The following OR2L13 variants were observed in gnomAD, a reference collection of about 807,000 sequenced individuals.
OR2L13 encodes the protein olfactory receptor 2L13.
Under a neutral mutation model 15.3 loss-of-function variants are expected in OR2L13, and 14 were observed. The observed-to-expected ratio is 0.91, with a 90% CI of 0.60 to 1.43. OR2L13 has a LOEUF of 1.43. Among genes scored for constraint, OR2L13 ranks in the 40% most tolerant of loss-of-function variants. The pLI is 0.00. For synonymous variants in OR2L13, 152 were observed against 142.9 expected (o/e 1.06, Z -0.45); for missense variants, 367 against 387.9 (o/e 0.95, Z 0.45).
the OR2L13 span, among the ~76,000 whole-genome samples, chr1:248,033,039 T>C: frequency 6.6e-6 from 1 of 152,208 alleles, no homozygotes; most frequent in East Asian, 1.9e-4. Context: ...TGACTTACAA[T>C]ATTTTAACAT....
At chr1:247,967,425 C>T in the OR2L13 span, among the ~76,000 whole-genome samples, 1 of 152,108 alleles carries the variant, frequency 6.6e-6, no homozygotes, top group African/African-American at 2.4e-5. Context: ...GACTGGTTTT[C>T]ACCATGTTGC....
the OR2L13 span, among the ~76,000 whole-genome samples, chr1:248,049,748 A>G: frequency 1.4e-4 from 22 of 152,084 alleles, no homozygotes; most frequent in African/African-American, 5.3e-4. Flanking sequence ...ATTTTTTTCT[A>G]TTATTTTTGT....
intron 2 of OR2L13, 142 bp from the exon 3 acceptor site, chr1:248,099,216 T>C (rs1664794614): frequency 4.9e-6 from 3 of 606,772 alleles, no homozygotes; most frequent in Admixed American, 6.0e-5. Context: ...GATATAGAAA[T>C]TGATTAAAAA....
intron 1 of OR2L13, among the ~76,000 whole-genome samples, chr1:248,098,023 C>G (rs887187310): frequency 4.6e-5 from 7 of 152,182 alleles, no homozygotes; most frequent in African/African-American, 1.7e-4. Context: ...ATAGTTCTTA[C>G]TGATAGAATG....
chr1:247,990,381 A>C, the OR2L13 span: 1 of 1,581,372 alleles, frequency 6.3e-7, no homozygotes, highest in South Asian at 1.1e-5. Flanking sequence ...AATGGCTCTA[A>C]TTGGAAACCT....
chr1:247,946,115 A>G, the OR2L13 span, among the ~76,000 whole-genome samples: 1 of 151,978 alleles, frequency 6.6e-6, no homozygotes, highest in Non-Finnish European at 1.5e-5. Context: ...TTTTGATACT[A>G]TTGTTAATAA....
At chr1:247,990,256 A>G in the OR2L13 span, 2 of 839,226 alleles carry the variant, frequency 2.4e-6, no homozygotes, top group South Asian at 1.4e-5. Context: ...GAAGGATCAT[A>G]TGAATGCTCC....
the OR2L13 span, among the ~76,000 whole-genome samples, chr1:248,025,165 T>C: frequency 6.8e-6 from 1 of 146,978 alleles, no homozygotes; most frequent in African/African-American, 2.7e-5. Context: ...ACAGGCAACC[T>C]ACAAAATGGG....
chr1:248,032,976 TAAAAACATAA>T, the OR2L13 span, among the ~76,000 whole-genome samples: 26,611 of 152,098 alleles, frequency 0.17, 2,541 homozygotes, highest in East Asian at 0.32. Context: ...TATGCATTTA[TAAAAACATAA>T]AACCCTATTG....
At chr1:248,018,035 A>G in the OR2L13 span, among the ~76,000 whole-genome samples, 233 of 152,086 alleles carry the variant, frequency 1.5e-3, 2 homozygotes, top group South Asian at 0.03. Flanking sequence ...GGCCCCTGTA[A>G]TCCCAGCTAC....
chr1:248,061,203 T>C, the OR2L13 span: 1 of 1,612,334 alleles, frequency 6.2e-7, no homozygotes, highest in African/African-American at 1.4e-5. Context: ...GGGCCATCAA[T>C]CATTTCTTCT....
the OR2L13 span, among the ~76,000 whole-genome samples, chr1:247,978,799 A>G: frequency 1.3e-5 from 2 of 151,256 alleles, no homozygotes; most frequent in African/African-American, 4.9e-5. Context: ...AGGAGCTCTA[A>G]GGGACTGCCA....
the OR2L13 span, among the ~76,000 whole-genome samples, chr1:247,974,367 T>C: frequency 1.3e-5 from 2 of 152,026 alleles, no homozygotes; most frequent in Non-Finnish European, 2.9e-5. Flanking sequence ...CAAACCACCA[T>C]GGTACATGTA....
At chr1:248,036,140 T>C in the OR2L13 span, among the ~76,000 whole-genome samples, 1 of 152,172 alleles carries the variant, frequency 6.6e-6, no homozygotes, top group Non-Finnish European at 1.5e-5. Context: ...TGTATGGTAT[T>C]GAGTTTATTA....
At chr1:248,061,119 G>T in the OR2L13 span, 2 of 1,613,838 alleles carry the variant, frequency 1.2e-6, no homozygotes, top group Non-Finnish European at 1.7e-6. Context: ...TGATAACAGG[G>T]TCTTGGATCA....
the OR2L13 span, among the ~76,000 whole-genome samples, chr1:248,063,850 C>T: frequency 1.3e-5 from 2 of 152,216 alleles, no homozygotes; most frequent in Admixed American, 6.5e-5. Flanking sequence ...CAAATTGCCC[C>T]ACGTGGGTGT....
At chr1:248,078,499 C>A in the OR2L13 span, among the ~76,000 whole-genome samples, 3 of 151,694 alleles carry the variant, frequency 2.0e-5, no homozygotes, top group African/African-American at 7.3e-5. Context: ...CACACACACA[C>A]AAACTAAGTA....
At chr1:247,990,628 C>G in the OR2L13 span, 4 of 1,538,934 alleles carry the variant, frequency 2.6e-6, no homozygotes, top group Non-Finnish European at 3.6e-6. Context: ...GGCCTATGAT[C>G]GTTATGTGGC....
the OR2L13 span, chr1:248,022,265 T>A: frequency 7.4e-6 from 12 of 1,614,104 alleles, no homozygotes; most frequent in Admixed American, 3.3e-5. Flanking sequence ...TCATGACTTT[T>A]GCAGGTGCAG....
Sources: allele counts gnomAD v4.1 joint callset (sites outside exome capture counted in the v4.1 genomes callset), GRCh38; gene constraint gnomAD v4.1.1; transcripts MANE v1.5; gene names NCBI Gene and HGNC (gene_info 2026-07-23, HGNC 2026-07-21).